RBAK: variants seen among roughly 807,000 people sequenced by gnomAD.
RBAK encodes the protein RB associated KRAB zinc finger, also known as RB-associated KRAB zinc finger protein.
A neutral mutation model predicts 65.8 loss-of-function variants in RBAK; 39 were observed. The ratio of observed to expected loss-of-function variants is 0.59; its 90% CI spans 0.46 to 0.77. The LOEUF (loss-of-function observed/expected upper bound fraction) is 0.77, where lower values mean the gene tolerates loss of function less well. Among genes scored for constraint, RBAK ranks in the 30% least tolerant of loss-of-function variants. The pLI, the probability that RBAK is intolerant of heterozygous loss-of-function variation, is 0.00. For missense variants in RBAK, 884 were observed against 855.1 expected (o/e 1.03, Z -0.42); for synonymous variants, 343 against 289.7 (o/e 1.18, Z -1.87).
Position 5,063,748 on chromosome 7 carries a change from C to G in RBAK, c.292C>G (p.His98Asp). 6.2e-7 allele frequency: 1 copy of G among 1,613,064 alleles called. No homozygotes were observed. The highest frequency in any genetic ancestry group is 8.5e-7 in the Non-Finnish European group (1 of 1,179,734). ...GAGAATCCAAGAAAACGAAGACAAA[C>G]ATTCAAGGCAAGCTGCTTGTATCAA... ...IERIQENEDK[H>D]SRQAACINSK... The change falls in exon 5 of 5, where the codon CAT becomes GAT. Residue 98 changes from histidine to aspartate, a missense_variant. Physicochemically the swap from His to Asp is moderately conservative, Grantham distance 81. Transcript: ENST00000396912.
Position 5,064,676 on chromosome 7 carries a change from G to T in RBAK, c.1220G>T (p.Gly407Val). The change falls in exon 5 of 5, where the codon GGG (glycine) becomes GTG (valine). Residue 407 changes from glycine to valine, a missense_variant. Transcript: ENST00000396912. This position sits in a 1 kb window ranked among gnomAD's most constrained non-coding sequence, Gnocchi z 6.3. ...GEKLYKCNEC[G>V]KSYYRKSTLI... ...AAGCTTTATAAATGTAATGAATGTG[G>T]GAAATCCTACTACCGAAAGTCTACT... 2.5e-6 allele frequency: 4 copies of T among 1,612,096 alleles called. No individual in the cohort carries two copies. Among genetic ancestry groups the T allele is most frequent in the Non-Finnish European group, 3.4e-6 (4 of 1,178,480 alleles).
intron 4 of RBAK, among the ~76,000 whole-genome samples, chr7:5,061,675 A>C (rs1024129926): frequency 4.0e-5 from 6 of 151,258 alleles, no homozygotes; most frequent in Middle Eastern, 3.4e-3. Flanking sequence ...AGGTGGGTGG[A>C]TCACCTGAGG....
At chr7:5,060,776 T>C (rs1210931540) in intron 4 of RBAK, among the ~76,000 whole-genome samples, 7 of 152,306 alleles carry the variant, frequency 4.6e-5, no homozygotes, top group East Asian at 1.9e-4. Flanking sequence ...TAGTGAAAAA[T>C]CCCGTTAATA....
In RBAK at chr7:5,065,869, A is replaced by G. The variant is rs1378548164; in HGVS notation, c.*268A>G. 5 of 238,688 alleles carry G rather than the reference A, an allele frequency of 2.1e-5. No individual in the cohort carries two copies. The highest frequency in any genetic ancestry group is 4.0e-5 in the Non-Finnish European group (5 of 125,974). The allele number at this position is 238,688 out of a possible 1,614,324, so 14.8% of individuals were successfully genotyped here. A position where few individuals can be genotyped will look rare whatever the true frequency, so the allele number is the denominator to read the frequency against. On this transcript the variant is annotated 3_prime_UTR_variant, in exon 5 of 5. Coordinates refer to ENST00000396912, the MANE Select transcript of RBAK (RefSeq NM_021163.4). This position sits in a 1 kb window ranked among gnomAD's most constrained non-coding sequence, Gnocchi z 5.3. ...TATTTAATATTTATTTTGGATTCAA[A>G]TTGTATTTACATATCAGGGAATCAT... is the stretch of plus-strand genomic sequence containing the variant.
At position 5,065,834 on chromosome 7, in the gene RBAK, GTTTTATAAAT is replaced by G. The variant is rs1258324781; in HGVS notation, c.*234_*243del. The G allele has an allele frequency of 3.1e-6, 1 of 322,290 alleles. No individual in the cohort carries two copies. The highest frequency in any genetic ancestry group is 5.6e-6 in the Non-Finnish European group (1 of 179,838). The allele number at this position is 322,290 out of a possible 1,614,324, so 20.0% of individuals were successfully genotyped here. On this transcript the variant is annotated 3_prime_UTR_variant, in exon 5 of 5. Transcript: ENST00000396912. The surrounding 1 kb of genome is among the most constrained non-coding windows in gnomAD (Gnocchi z 5.3). ...GGACACTAATTTATATAGGAGTGAA[GTTTTATAAAT>G]ATTTAATATTTATTTTGGATTCAAA... is the stretch of plus-strand genomic sequence containing the variant.
rs548344602 is a variant in RBAK, at chr7:5,045,911, G to C, written c.-530G>C. 3.4e-5 allele frequency: 12 copies of C among 351,710 alleles called. No individual in the cohort carries two copies. Among genetic ancestry groups the C allele is most frequent in the Admixed American group, 3.3e-4 (8 of 24,100 alleles). The allele number at this position is 351,710 out of a possible 1,614,324, so 21.8% of individuals were successfully genotyped here. A position where few individuals can be genotyped will look rare whatever the true frequency, so the allele number is the denominator to read the frequency against. On this transcript the variant is annotated 5_prime_UTR_variant, in exon 1 of 5. Coordinates refer to ENST00000396912, the MANE Select transcript of RBAK (RefSeq NM_021163.4). ...AGGTCACCGCTTGCTCTAGTTCCCAGGCTTTGGCCTCCAGTGGACGAGAAT... is the reference window on the plus strand; with the variant it reads ...AGGTCACCGCTTGCTCTAGTTCCCACGCTTTGGCCTCCAGTGGACGAGAAT...
At chr7:5,052,338 GT>G (rs992808043) in intron 2 of RBAK, among the ~76,000 whole-genome samples, 1 of 152,148 alleles carries the variant, frequency 6.6e-6, no homozygotes, top group African/African-American at 2.4e-5. Flanking sequence ...TGTATAGACT[GT>G]TTACATGTAA....
rs780501948 is a variant in RBAK, at chr7:5,057,379, A to G, written c.100A>G (p.Arg34Gly). The change falls in exon 3 of 5, where the codon AGG (arginine) becomes GGG (glycine). Residue 34 changes from arginine (R) to glycine (G), a missense_variant. Coordinates refer to ENST00000396912, the MANE Select transcript of RBAK (RefSeq NM_021163.4). ...QLDPDEKITYRDVMLENYSHL... is the reference protein window; with the variant it reads ...QLDPDEKITYGDVMLENYSHL... ...GGACCCTGATGAGAAGATAACTTAC[A>G]GGGATGTGATGTTGGAGAACTATAG... The G allele has an allele frequency of 6.2e-7, 1 of 1,614,088 alleles. No individual in the cohort carries two copies.
chr7:5,051,315 T>C (rs1788111832), intron 2 of RBAK, among the ~76,000 whole-genome samples: 1 of 152,200 alleles, frequency 6.6e-6, no homozygotes, highest in Non-Finnish European at 1.5e-5. Context: ...TAATCATTTA[T>C]ATGCATATAT....
At position 5,064,908 on chromosome 7, in the gene RBAK, C is replaced by G; in HGVS notation, c.1452C>G (p.Ser484=). The change falls in exon 5 of 5, where the codon TCC becomes TCG. Residue 484 remains serine, a synonymous_variant. Coordinates refer to ENST00000396912, the MANE Select transcript of RBAK (RefSeq NM_021163.4). This position sits in a 1 kb window ranked among gnomAD's most constrained non-coding sequence, Gnocchi z 6.3. The stretch of plus-strand genomic sequence containing the variant: ...GGAAAGTACACACAGAAGAGAAATC[C>G]CATGAATGTAGTGAATGTGGAAAGT... ...RHRKVHTEEK[S]HECSECGKFS... 1.9e-6 allele frequency: 3 copies of G among 1,613,870 alleles called. No individual in the cohort carries two copies. The highest frequency in any genetic ancestry group is 2.5e-6 in the Non-Finnish European group (3 of 1,179,930).
At chr7:5,053,122 C>G (rs1243045519) in intron 2 of RBAK, among the ~76,000 whole-genome samples, 5 of 152,218 alleles carry the variant, frequency 3.3e-5, no homozygotes, top group African/African-American at 1.2e-4. Flanking sequence ...TTCTGGTACT[C>G]TTCATTCCTT....
chr7:5,050,691 C>G (rs1212961628), intron 2 of RBAK, among the ~76,000 whole-genome samples: 1 of 152,154 alleles, frequency 6.6e-6, no homozygotes, highest in Non-Finnish European at 1.5e-5. Context: ...CCTCCCACTT[C>G]AGCCTCCCAA....
At chr7:5,046,849 T>C (rs112454606) in intron 1 of RBAK, among the ~76,000 whole-genome samples, 5,833 of 152,140 alleles carry the variant, frequency 0.038, 411 homozygotes, top group African/African-American at 0.13. Context: ...CCTTAGCAGG[T>C]GGGTGACTTG....
At position 5,066,607 on chromosome 7, in the gene RBAK, T is replaced by A. The variant is rs1779224747; in HGVS notation, c.*1006T>A. On this transcript the variant is annotated 3_prime_UTR_variant, in exon 5 of 5. Transcript: ENST00000396912. ...TCTGTTTGGTACAAATACAGTGTCA[T>A]TGTTTTGTGCATTCTCCTTTTTCCC... 6.6e-6 allele frequency: 1 copy of A among 152,170 alleles called. No individual in the cohort carries two copies. Among genetic ancestry groups the A allele is most frequent in the Admixed American group, 6.5e-5 (1 of 15,280 alleles). 9.4% of individuals were successfully genotyped at this position (152,170 alleles called of 1,614,324 possible). A position where few individuals can be genotyped will look rare whatever the true frequency, so the allele number is the denominator to read the frequency against.
rs563397015 is a variant in RBAK, at chr7:5,066,690, T to A, written c.*1089T>A. The A allele has an allele frequency of 6.6e-6, 1 of 152,288 alleles. No homozygotes were observed. The highest frequency in any genetic ancestry group is 1.5e-5 in the Non-Finnish European group (1 of 67,980). 9.4% of individuals were successfully genotyped at this position (152,288 alleles called of 1,614,324 possible). A position where few individuals can be genotyped will look rare whatever the true frequency, so the allele number is the denominator to read the frequency against. ...GCAGATATTTTTTGATCAATTAACTTAATGTCCTCGCTCCATTTCTTGCTG... is the reference window on the plus strand; with the variant it reads ...GCAGATATTTTTTGATCAATTAACTAAATGTCCTCGCTCCATTTCTTGCTG... On this transcript the variant is annotated 3_prime_UTR_variant, in exon 5 of 5. Transcript: ENST00000396912.
intron 4 of RBAK, among the ~76,000 whole-genome samples, chr7:5,058,586 G>A (rs1452608039): frequency 6.6e-6 from 1 of 152,126 alleles, no homozygotes; most frequent in African/African-American, 2.4e-5. Flanking sequence ...CACAGCTTGT[G>A]GTGTCTGTTA....
intron 4 of RBAK, among the ~76,000 whole-genome samples, chr7:5,060,596 A>G (rs1238901666): frequency 6.6e-6 from 1 of 152,246 alleles, no homozygotes; most frequent in Non-Finnish European, 1.5e-5. Context: ...TTTCCCCCAA[A>G]GTATAGATAG....
At position 5,065,201 on chromosome 7, in the gene RBAK, T is replaced by C. The variant is rs776129102; in HGVS notation, c.1745T>C (p.Leu582Pro). The C allele has an allele frequency of 6.2e-7, 1 of 1,613,412 alleles. No homozygotes were observed. The highest frequency in any genetic ancestry group is 1.7e-5 in the Admixed American group (1 of 59,946). Residue 582 changes from leucine (L) to proline (P), a missense_variant, in exon 5 of 5, where the codon CTC becomes CCC. Physicochemically the swap from Leu to Pro is moderately conservative, Grantham distance 98. Coordinates refer to ENST00000396912, the MANE Select transcript of RBAK (RefSeq NM_021163.4). This position sits in a 1 kb window ranked among gnomAD's most constrained non-coding sequence, Gnocchi z 5.3. ...CGKTFSHNSSLFRHQRVHTGE... is the reference protein window; with the variant it reads ...CGKTFSHNSSPFRHQRVHTGE... The stretch of plus-strand genomic sequence containing the variant: ...AAAACCTTTTCCCATAATTCATCCC[T>C]CTTCAGACATCAAAGAGTACACACA...
intron 2 of RBAK, among the ~76,000 whole-genome samples, chr7:5,049,358 C>T (rs1011767310): frequency 1.3e-5 from 2 of 152,208 alleles, no homozygotes; most frequent in African/African-American, 4.8e-5. Context: ...GAATGAATGA[C>T]ATGATCATCC....
Sources: allele counts gnomAD v4.1 joint callset (sites outside exome capture counted in the v4.1 genomes callset), GRCh38; gene constraint gnomAD v4.1.1; non-coding constraint Gnocchi (gnomAD v3.1); transcripts MANE v1.5; gene names NCBI Gene and HGNC (gene_info 2026-07-23, HGNC 2026-07-21).